Variants in SEMA5A observed in about 807,000 individuals in gnomAD.
SEMA5A encodes the protein semaphorin 5A.
In SEMA5A, 55 loss-of-function variants were observed where a neutral mutation model predicts 135.5. The ratio of observed to expected loss-of-function variants is 0.41; its 90% CI spans 0.33 to 0.51. The LOEUF is 0.51. Among genes scored for constraint, SEMA5A ranks in the 20% least tolerant of loss-of-function variants. The probability of loss-of-function intolerance (pLI) is 0.37; values close to 1 mark genes in which losing one functional copy is unlikely to be tolerated. For synonymous variants in SEMA5A, 580 were observed against 546.5 expected, an observed-to-expected ratio of 1.06 and a Z score of -0.85; for missense variants, 1,290 against 1,419.9, an observed-to-expected ratio of 0.91 and a Z score of 1.47.
intron 2 of SEMA5A, among the ~76,000 whole-genome samples, chr5:9,386,519 C>T (rs955777419): frequency 2.0e-5 from 3 of 152,208 alleles, no homozygotes; most frequent in African/African-American, 2.4e-5. Flanking sequence ...TCAGTAGTCA[C>T]ATCTGCACCC....
intron 6 of SEMA5A, among the ~76,000 whole-genome samples, chr5:9,230,513 C>G (rs1747570444): frequency 6.6e-6 from 1 of 152,162 alleles, no homozygotes; most frequent in East Asian, 1.9e-4. Flanking sequence ...AGAGCACGTT[C>G]TGATCATTAA....
intron 2 of SEMA5A, among the ~76,000 whole-genome samples, chr5:9,410,346 C>T (rs1414285998): frequency 1.3e-5 from 2 of 152,156 alleles, no homozygotes; most frequent in African/African-American, 2.4e-5. Flanking sequence ...ATAGTTATTT[C>T]CTTTCTTAAT....
intron 1 of SEMA5A, among the ~76,000 whole-genome samples, chr5:9,538,327 G>C (rs1737892493): frequency 1.3e-5 from 2 of 152,148 alleles, no homozygotes; most frequent in African/African-American, 4.8e-5. Context: ...CAGGCTCTGG[G>C]CATTTAAAAC....
chr5:9,412,903 C>T (rs1757154886), intron 2 of SEMA5A, among the ~76,000 whole-genome samples: 1 of 152,086 alleles, frequency 6.6e-6, no homozygotes, highest in Non-Finnish European at 1.5e-5. Context: ...GATGCTCATC[C>T]TGCATTTTCT....
chr5:9,184,913 G>A (rs34548464), intron 11 of SEMA5A, among the ~76,000 whole-genome samples: 28,929 of 152,034 alleles, frequency 0.19, 3,001 homozygotes, highest in South Asian at 0.24. Context: ...CTTTGTTGAA[G>A]GTCTTGAGCC....
intron 10 of SEMA5A, among the ~76,000 whole-genome samples, chr5:9,194,502 A>C (rs1255191266): frequency 6.6e-6 from 1 of 152,162 alleles, no homozygotes; most frequent in Non-Finnish European, 1.5e-5. Flanking sequence ...CCTCTTATAC[A>C]TGTCTGGGGA....
At chr5:9,074,906 G>T (rs1561127050) in intron 16 of SEMA5A, among the ~76,000 whole-genome samples, 1 of 152,068 alleles carries the variant, frequency 6.6e-6, no homozygotes, top group Non-Finnish European at 1.5e-5. Context: ...TAAACACCTG[G>T]TGCATGTATT....
chr5:9,148,984 T>C (rs996479369), intron 12 of SEMA5A, among the ~76,000 whole-genome samples: 2 of 152,198 alleles, frequency 1.3e-5, no homozygotes, highest in African/African-American at 4.8e-5. Flanking sequence ...CCTCCCAAAG[T>C]GCTGCAATTA....
intron 5 of SEMA5A, among the ~76,000 whole-genome samples, chr5:9,315,025 G>A (rs1752329229): frequency 6.6e-6 from 1 of 152,112 alleles, no homozygotes; most frequent in South Asian, 2.1e-4. Flanking sequence ...CCAAGACCAA[G>A]GAGGCAATGA....
intron 1 of SEMA5A, among the ~76,000 whole-genome samples, chr5:9,490,710 G>A (rs1278948645): frequency 1.3e-5 from 2 of 152,174 alleles, no homozygotes; most frequent in Admixed American, 1.3e-4. Flanking sequence ...CTCTTCCCGG[G>A]GATGCCCCCT....
intron 7 of SEMA5A, 96 bp downstream of exon 7, chr5:9,226,773 C>A: frequency 1.1e-6 from 1 of 908,390 alleles, no homozygotes; most frequent in Non-Finnish European, 1.8e-6. Context: ...ACAGCAACAC[C>A]TTGGTGTATA....
chr5:9,171,827 C>T (rs780348328), intron 11 of SEMA5A, among the ~76,000 whole-genome samples: 1 of 152,154 alleles, frequency 6.6e-6, no homozygotes, highest in Non-Finnish European at 1.5e-5. Context: ...AGGTCAGTGC[C>T]TGGAGATGGG....
At chr5:9,470,942 AG>A (rs1251009427) in intron 1 of SEMA5A, among the ~76,000 whole-genome samples, 1 of 152,260 alleles carries the variant, frequency 6.6e-6, no homozygotes, top group Non-Finnish European at 1.5e-5. Context: ...TCCATTCCAT[AG>A]AGCTGGAAAA....
intron 1 of SEMA5A, among the ~76,000 whole-genome samples, chr5:9,487,543 T>C (rs1032234431): frequency 6.6e-6 from 1 of 152,090 alleles, no homozygotes; most frequent in African/African-American, 2.4e-5. Flanking sequence ...GGAAGGTTCT[T>C]GTTTGATTGT....
intron 11 of SEMA5A, among the ~76,000 whole-genome samples, chr5:9,172,449 G>A (rs1008617396): frequency 2.6e-5 from 4 of 152,090 alleles, no homozygotes; most frequent in Admixed American, 2.0e-4. Context: ...TTAATCAAAT[G>A]ATCACATCAT....
intron 1 of SEMA5A, among the ~76,000 whole-genome samples, chr5:9,493,805 A>T (rs528778217): frequency 4.0e-4 from 61 of 152,210 alleles, no homozygotes; most frequent in Non-Finnish European, 7.3e-4. Context: ...AGTGACACAC[A>T]CCAGCAGCCT....
At position 9,207,135 on chromosome 5, in the gene SEMA5A, A is replaced by ATATATATATAT. The variant is rs1579614392; in HGVS notation, c.647-4896_647-4895insATATATATATA. The stretch of plus-strand genomic sequence containing the variant: ...ATATATATATATATATATATATATA[A>ATATATATATAT]AGCTTAAAGGTCATTAGAATTTTAG... On this transcript the variant is annotated intron_variant, in intron 8 of 22. Coordinates refer to ENST00000382496, the MANE Select transcript of SEMA5A (RefSeq NM_003966.3). Among the ~76,000 whole-genome samples the ATATATATATAT allele has an allele frequency of 2.5e-4, 13 of 51,762 alleles. No homozygotes were observed. In the East Asian group the frequency reaches 8.9e-3, roughly 35 times the overall value. The allele number at this position is 51,762 out of a possible 152,430, so 34.0% of individuals were successfully genotyped here. A position where few individuals can be genotyped will look rare whatever the true frequency, so the allele number is the denominator to read the frequency against.
intron 11 of SEMA5A, among the ~76,000 whole-genome samples, chr5:9,173,906 T>C (rs745964835): frequency 1.3e-5 from 2 of 152,150 alleles, no homozygotes; most frequent in Non-Finnish European, 2.9e-5. Flanking sequence ...AAACATAACA[T>C]TATGAAACTC....
intron 10 of SEMA5A, among the ~76,000 whole-genome samples, chr5:9,195,719 A>G (rs1745351973): frequency 1.3e-5 from 2 of 152,254 alleles, no homozygotes; most frequent in Admixed American, 1.3e-4. Context: ...ATGCTCCTTC[A>G]AAAGCTTAAA....
Sources: allele counts gnomAD v4.1 joint callset (sites outside exome capture counted in the v4.1 genomes callset), GRCh38; gene constraint gnomAD v4.1.1; transcripts MANE v1.5; gene names NCBI Gene and HGNC (gene_info 2026-07-23, HGNC 2026-07-21).